ASIC4: variants seen among roughly 807,000 people sequenced by gnomAD.
The protein encoded by ASIC4 is acid-sensing ion channel 4.
In ASIC4, 28 loss-of-function variants were observed where a neutral mutation model predicts 53.4. That is an observed-to-expected ratio of 0.52 (90% confidence interval 0.39 to 0.72). The LOEUF (loss-of-function observed/expected upper bound fraction) is 0.72. Ranked by LOEUF, ASIC4 falls within the 30% of genes least tolerant of loss-of-function variation. The pLI is 0.00. For synonymous variants in ASIC4, 289 were observed against 301.4 expected (o/e 0.96, Z 0.43); for missense variants, 649 against 729.7 (o/e 0.89, Z 1.27).
intron 5 of ASIC4, 123 bp from the exon 6 acceptor site, chr2:219,535,048 G>C (rs1405623856): frequency 9.2e-6 from 13 of 1,410,472 alleles, no homozygotes; most frequent in Non-Finnish European, 1.2e-5. Flanking sequence ...GGGCTGGCCA[G>C]TAAAGGCCCT....
chr2:219,512,357 T>C (rs1486694599), upstream of ASIC4, among the ~76,000 whole-genome samples: 1 of 152,056 alleles, frequency 6.6e-6, no homozygotes. Flanking sequence ...TTTAGAGATA[T>C]GTATGCACTC....
rs1214045660 is a variant in ASIC4, at chr2:219,518,936, C to T, written c.582+3630C>T. Among the ~76,000 whole-genome samples, 1 of 152,160 alleles carries T rather than the reference C, an allele frequency of 6.6e-6. No homozygotes were observed. The highest frequency in any genetic ancestry group is 2.4e-5 in the African/African-American group (1 of 41,440). On this transcript the variant is annotated intron_variant, in intron 1 of 9. Coordinates refer to ENST00000358078, the MANE Select transcript of ASIC4 (RefSeq NM_018674.6). This position sits in a 1 kb window ranked among gnomAD's most constrained non-coding sequence, Gnocchi z 4.8. ...TGTTTGTTTTTTTGAGACAGAGTCT[C>T]GTTGTTGCCCAGGCTGGAGTGCAGC...
intron 1 of ASIC4, among the ~76,000 whole-genome samples, chr2:219,531,092 T>C (rs1695033678): frequency 1.3e-5 from 2 of 151,984 alleles, no homozygotes; most frequent in Non-Finnish European, 2.9e-5. Context: ...CTCATGCTTG[T>C]AATCCCAGCA....
rs1694761814 is a variant in ASIC4, at chr2:219,515,048, A to T, written c.324A>T (p.Pro108=). ...LVAMDPAAPA[P]VAGFPAVTLC... is the part of the protein sequence containing the mutation. ...CAATGGACCCCGCTGCCCCAGCCCC[A>T]GTGGCGGGCTTCCCGGCTGTCACCC... Residue 108 remains proline (P), a synonymous_variant, in exon 1 of 10, where the codon CCA becomes CCT. Coordinates refer to ENST00000358078, the MANE Select transcript of ASIC4 (RefSeq NM_018674.6). 1 of 1,613,264 alleles carries T rather than the reference A, an allele frequency of 6.2e-7. No individual in the cohort carries two copies. Among genetic ancestry groups the T allele is most frequent in the Admixed American group, 1.7e-5 (1 of 59,996 alleles).
chr2:219,514,043 A>C, upstream of ASIC4: 1 of 405,460 alleles, frequency 2.5e-6, no homozygotes, highest in Middle Eastern at 6.4e-4. Flanking sequence ...CTCAGAGGCC[A>C]GGAGGTGGGG....
At chr2:219,519,418 G>C (rs368519768) in intron 1 of ASIC4, among the ~76,000 whole-genome samples, 1 of 152,238 alleles carries the variant, frequency 6.6e-6, no homozygotes, top group South Asian at 2.1e-4. Context: ...CCTAGTCATC[G>C]CCCCGCTTTT....
rs780415510 is a variant in ASIC4 at position 219,514,839 on chromosome 2, C to G, written c.115C>G (p.Pro39Ala). Residue 39 changes from proline (P) to alanine (A), a missense_variant, in exon 1 of 10, where the codon CCC (proline) becomes GCC (alanine). Transcript: ENST00000358078. ...CGGGGCTGTTGCCCCTGGAGCAGCC[C>G]CCCGAGACCTGGCCACCTTTGCCAG... ...LLGAVAPGAA[P>A]RDLATFASTS... 6.2e-7 allele frequency: 1 copy of G among 1,613,142 alleles called. No homozygotes were observed. Among genetic ancestry groups the G allele is most frequent in the Non-Finnish European group, 8.5e-7 (1 of 1,179,932 alleles).
At chr2:219,513,305 C>T (rs1694726331), upstream of ASIC4, among the ~76,000 whole-genome samples, 1 of 152,056 alleles carries the variant, frequency 6.6e-6, no homozygotes, top group South Asian at 2.1e-4. Flanking sequence ...GGCCCCAGAG[C>T]ACAAGCACTG....
intron 1 of ASIC4, among the ~76,000 whole-genome samples, chr2:219,522,992 G>C (rs1160924262): frequency 6.6e-6 from 1 of 152,144 alleles, no homozygotes; most frequent in Non-Finnish European, 1.5e-5. Context: ...CTGGGTGCGG[G>C]TGGGCCAGGC....
intron 1 of ASIC4, among the ~76,000 whole-genome samples, chr2:219,524,597 C>T (rs567508746): frequency 2.0e-5 from 3 of 152,352 alleles, no homozygotes; most frequent in Non-Finnish European, 4.4e-5. Context: ...TTCCTCATAA[C>T]ACCTTTGAAG....
chr2:219,514,375 GT>G, upstream of ASIC4: 2 of 1,546,258 alleles, frequency 1.3e-6, no homozygotes, highest in South Asian at 2.4e-5. Context: ...GCTGCGCGGC[GT>G]GGCGGAGCAG....
At position 219,532,036 on chromosome 2, in the gene ASIC4, A is replaced by G; in HGVS notation, c.763A>G (p.Ile255Val). The G allele has an allele frequency of 6.2e-7, 1 of 1,614,198 alleles. No individual in the cohort carries two copies. The highest frequency in any genetic ancestry group is 8.5e-7 in the Non-Finnish European group (1 of 1,180,028). The change falls in exon 3 of 10, where the codon ATC (isoleucine) becomes GTC (valine). Residue 255 changes from isoleucine to valine, a missense_variant. Transcript: ENST00000358078. ...TSFEAGIRVQ[I>V]HSQEEPPYIH... is the part of the protein sequence containing the mutation. The stretch of plus-strand genomic sequence containing the variant: ...GTTTGAGGCAGGTATTCGGGTGCAG[A>G]TCCACAGCCAGGAGGAGCCGCCCTA...
chr2:219,512,925 G>C (rs1208246937), upstream of ASIC4, among the ~76,000 whole-genome samples: 1 of 152,218 alleles, frequency 6.6e-6, no homozygotes. Context: ...GACCCTGATG[G>C]GGCCTGACCT....
At chr2:219,519,259 C>T (rs1351254364) in intron 1 of ASIC4, among the ~76,000 whole-genome samples, 1 of 152,218 alleles carries the variant, frequency 6.6e-6, no homozygotes, top group Non-Finnish European at 1.5e-5. Context: ...GCTTAGCACA[C>T]TACCTGGCAC....
chr2:219,521,428 AC>A (rs759335001), intron 1 of ASIC4, among the ~76,000 whole-genome samples: 1 of 151,506 alleles, frequency 6.6e-6, no homozygotes, highest in Non-Finnish European at 1.5e-5. Context: ...CTGGACCCCC[AC>A]CCCTGCCCTT....
upstream of ASIC4, among the ~76,000 whole-genome samples, chr2:219,513,937 C>T (rs1171737831): frequency 2.0e-5 from 3 of 152,184 alleles, no homozygotes; most frequent in South Asian, 2.1e-4. Context: ...CCCCTCCCTC[C>T]GTCATTCAAA....
At chr2:219,534,751 G>A (rs1369598003) in intron 5 of ASIC4, among the ~76,000 whole-genome samples, 1 of 151,548 alleles carries the variant, frequency 6.6e-6, no homozygotes, top group African/African-American at 2.4e-5. Context: ...CCCATCCGTC[G>A]ATCTGGCCAT....
intron 1 of ASIC4, among the ~76,000 whole-genome samples, chr2:219,522,859 A>AGGGAGGAGAGCGGAGGAGCC (rs1559116417): frequency 6.6e-6 from 1 of 152,064 alleles, no homozygotes; most frequent in Non-Finnish European, 1.5e-5. Context: ...AGGCAGACCC[A>AGGGAGGAGAGCGGAGGAGCC]GGGAGGAGAG....
chr2:219,513,610 C>T (rs532401074), upstream of ASIC4, among the ~76,000 whole-genome samples: 2 of 152,322 alleles, frequency 1.3e-5, no homozygotes, highest in African/African-American at 4.8e-5. Flanking sequence ...TAGAGCACCC[C>T]GGAAGCACAC....
Sources: allele counts gnomAD v4.1 joint callset (sites outside exome capture counted in the v4.1 genomes callset), GRCh38; gene constraint gnomAD v4.1.1; non-coding constraint Gnocchi (gnomAD v3.1); transcripts MANE v1.5; gene names NCBI Gene and HGNC (gene_info 2026-07-23, HGNC 2026-07-21).